CASK: variants seen among roughly 807,000 people sequenced by gnomAD.
CASK encodes the protein peripheral plasma membrane protein CASK.
A neutral mutation model predicts 82.9 loss-of-function variants in CASK; 4 were observed. The ratio of observed to expected loss-of-function variants is 0.05; its 90% confidence interval spans 0.02 to 0.11. CASK has a LOEUF of 0.11. Ranked by LOEUF, CASK falls within the 10% of genes least tolerant of loss-of-function variation. The probability of loss-of-function intolerance (pLI) is 1.00; values close to 1 mark genes in which losing one functional copy is unlikely to be tolerated. For missense variants in CASK, 358 were observed against 720.9 expected (o/e 0.50, Z 5.76); for synonymous variants, 259 against 253.5 (o/e 1.02, Z -0.20).
Position 41,554,054 on chromosome X carries a change from C to T in CASK, c.1843-139G>A, listed in dbSNP as rs919697639. 18 of 505,564 alleles carry T rather than the reference C, an allele frequency of 3.6e-5. No individual in the cohort carries two copies. In the East Asian group the frequency reaches 5.1e-4, roughly 14 times the overall value. 41.7% of individuals were successfully genotyped at this position (505,564 alleles called of 1,213,427 possible). On this transcript the variant is annotated intron_variant, in intron 20 of 26. Coordinates refer to ENST00000378163, the MANE Select transcript of CASK (RefSeq NM_001367721.1). The stretch of plus-strand genomic sequence containing the variant: ...AAAGCAAAAACGATGCATGGAAATA[C>T]GACACAAAAAACTTCTACCGCTAGA...
chrX:41,617,524 C>T (rs931394304), intron 11 of CASK, among the ~76,000 whole-genome samples: 10 of 112,231 alleles, frequency 8.9e-5, no homozygotes, highest in African/African-American at 3.2e-4. Context: ...TCTGTCTTCA[C>T]CCTTGATTAT....
intron 1 of CASK, among the ~76,000 whole-genome samples, chrX:41,900,743 T>C (rs1274298677): frequency 4.9e-5 from 3 of 61,733 alleles, no homozygotes; most frequent in Non-Finnish European, 1.1e-4. Context: ...TGAAATCTTT[T>C]TTTTTTTTTT....
At chrX:41,593,386 T>C (rs762688408) in intron 12 of CASK, among the ~76,000 whole-genome samples, 21 of 111,683 alleles carry the variant, frequency 1.9e-4, no homozygotes, top group African/African-American at 6.5e-4. Context: ...TGTTGGTTCA[T>C]CCACATACCC....
intron 1 of CASK, among the ~76,000 whole-genome samples, chrX:41,907,916 A>T (rs2072496975): frequency 8.9e-6 from 1 of 111,825 alleles, no homozygotes; most frequent in African/African-American, 3.3e-5. Flanking sequence ...GTTCCCGCGC[A>T]TGTGCAGTTC....
chrX:41,614,312 TATG>T (rs2147297347), intron 11 of CASK, among the ~76,000 whole-genome samples: 1 of 111,948 alleles, frequency 8.9e-6, no homozygotes, highest in South Asian at 3.7e-4. Flanking sequence ...GCATACTGCC[TATG>T]GGGTAGCCCT....
chrX:41,912,306 T>G (rs1383011037), intron 1 of CASK, among the ~76,000 whole-genome samples: 4 of 94,511 alleles, frequency 4.2e-5, no homozygotes, highest in Non-Finnish European at 8.5e-5. Flanking sequence ...TTCTGTTTTT[T>G]TTTTTTTTTT....
At chrX:41,643,407 A>G (rs1253194905) in intron 8 of CASK, among the ~76,000 whole-genome samples, 2 of 111,987 alleles carry the variant, frequency 1.8e-5, no homozygotes, top group East Asian at 5.6e-4. Context: ...ATCCATAAGC[A>G]TGGAATATTC....
At chrX:41,593,849 CAT>C (rs1440962937) in intron 12 of CASK, among the ~76,000 whole-genome samples, 1 of 112,156 alleles carries the variant, frequency 8.9e-6, no homozygotes, top group Non-Finnish European at 1.9e-5. Flanking sequence ...TAGTTAGAAA[CAT>C]AGTGCTTTTG....
At chrX:41,686,532 C>T (rs936133341) in intron 5 of CASK, among the ~76,000 whole-genome samples, 2 of 110,997 alleles carry the variant, frequency 1.8e-5, no homozygotes, top group African/African-American at 6.6e-5. Context: ...GCCACCATGC[C>T]CAGCTAAGAA....
chrX:41,728,826 T>C (rs910808593), intron 5 of CASK: 10 of 123,851 alleles, frequency 8.1e-5, no homozygotes, highest in Non-Finnish European at 1.7e-4. Flanking sequence ...GCATGAATAA[T>C]ACAGTGAAAA....
chrX:41,680,028 T>C (rs1365577538), intron 5 of CASK, among the ~76,000 whole-genome samples: 1 of 111,028 alleles, frequency 9.0e-6, no homozygotes, highest in Non-Finnish European at 1.9e-5. Flanking sequence ...CGGCCAACCT[T>C]GTCCCTACTA....
chrX:41,891,090 A>T (rs932665084), intron 1 of CASK, among the ~76,000 whole-genome samples: 1 of 108,731 alleles, frequency 9.2e-6, no homozygotes, highest in Non-Finnish European at 1.9e-5. Flanking sequence ...GAATTTTGCC[A>T]TGTTGGTCAA....
At chrX:41,723,912 A>G (rs920940211) in intron 5 of CASK, among the ~76,000 whole-genome samples, 2 of 112,106 alleles carry the variant, frequency 1.8e-5, no homozygotes, top group African/African-American at 6.5e-5. Flanking sequence ...TGTGTCATAT[A>G]AAACTGGCCA....
rs61746390 is a variant in CASK, at chrX:41,696,517, A to G, written c.430-24987T>C. ...TTCATCTACATTTCTTCACAGCTAA[A>G]TGTATCATCTTGCTACTGGAAAGAA... On this transcript the variant is annotated intron_variant, in intron 5 of 26. Coordinates refer to ENST00000378163, the MANE Select transcript of CASK (RefSeq NM_001367721.1). 4,156 of 1,207,802 alleles carry G rather than the reference A, an allele frequency of 3.4e-3. 88 individuals carry two copies. In the African/African-American group the frequency reaches 0.061, roughly 18 times the overall value.
intron 7 of CASK, among the ~76,000 whole-genome samples, chrX:41,663,166 A>T (rs1235732810): frequency 1.8e-5 from 2 of 111,898 alleles, no homozygotes; most frequent in Non-Finnish European, 3.8e-5. Flanking sequence ...CTGGGAGCTC[A>T]TTATACTATT....
chrX:41,822,430 C>T (rs1335771427), intron 2 of CASK, among the ~76,000 whole-genome samples: 1 of 108,436 alleles, frequency 9.2e-6, no homozygotes, highest in Non-Finnish European at 1.9e-5. Flanking sequence ...TGGTGGTGTG[C>T]ACCTGTAGTC....
chrX:41,592,789 A>G (rs936677975), intron 12 of CASK, among the ~76,000 whole-genome samples: 1 of 111,862 alleles, frequency 8.9e-6, no homozygotes, highest in Admixed American at 9.5e-5. Flanking sequence ...CTAAGCTCTT[A>G]ACATATACTC....
chrX:41,605,658 G>T (rs2065949724), intron 12 of CASK, among the ~76,000 whole-genome samples: 1 of 111,687 alleles, frequency 9.0e-6, no homozygotes, highest in Non-Finnish European at 1.9e-5. Context: ...ATGGTATGTG[G>T]AACATGGGAA....
intron 26 of CASK, chrX:41,522,480 T>C (rs748792446): frequency 4.5e-5 from 5 of 111,922 alleles, no homozygotes; most frequent in Admixed American, 9.5e-5. Context: ...TTAAAAAGCA[T>C]AGTATTTTCA....
Sources: gnomAD v4.1 joint callset for allele counts (sites outside exome capture counted in the v4.1 genomes callset) on GRCh38, gnomAD v4.1.1 for gene constraint, MANE v1.5 for transcripts, NCBI Gene and HGNC (gene_info 2026-07-23, HGNC 2026-07-21) for gene names.